The following MME variants were observed in gnomAD, a reference collection of about 807,000 sequenced individuals.
MME encodes the protein neprilysin.
In MME, 98 loss-of-function variants were observed where a neutral mutation model predicts 113.2. The ratio of observed to expected loss-of-function variants is 0.87; its 90% confidence interval spans 0.74 to 1.02. The LOEUF is 1.02. MME is among the 50% of genes least tolerant of loss of function. MME has a pLI of 0.00. For synonymous variants in MME, 292 were observed against 300.6 expected, an observed-to-expected ratio of 0.97 and a Z score of 0.30; for missense variants, 836 against 896.0, an observed-to-expected ratio of 0.93 and a Z score of 0.86.
chr3:155,090,402 T>C (rs1716185186), intron 3 of MME: 1 of 152,212 alleles, frequency 6.6e-6, no homozygotes, highest in South Asian at 2.1e-4. Context: ...CTGAACCCTA[T>C]ATATGCTATA....
intron 8 of MME, among the ~76,000 whole-genome samples, chr3:155,124,375 T>C (rs1719413756): frequency 6.6e-6 from 1 of 152,008 alleles, no homozygotes; most frequent in African/African-American, 2.4e-5. Context: ...TGTCCTCCTG[T>C]AGCTCAGAGT....
chr3:155,072,405 G>A (rs1349888545), intron 1 of MME, among the ~76,000 whole-genome samples: 1 of 152,178 alleles, frequency 6.6e-6, no homozygotes, highest in Non-Finnish European at 1.5e-5. Context: ...CCACTAAACT[G>A]TGGATTCCCT....
chr3:155,132,191 T>C (rs1254147639), intron 8 of MME, among the ~76,000 whole-genome samples: 1 of 152,214 alleles, frequency 6.6e-6, no homozygotes, highest in South Asian at 2.1e-4. Flanking sequence ...TGGGTCTTGA[T>C]TGTCATTCAT....
chr3:155,166,834 C>T, intron 17 of MME, 68 bp from the exon 18 acceptor site: 1 of 1,599,808 alleles, frequency 6.3e-7, no homozygotes. Flanking sequence ...GGAGGACTGT[C>T]TCTAAGAAAA....
intron 3 of MME, among the ~76,000 whole-genome samples, chr3:155,113,222 G>A (rs1718332800): frequency 6.6e-6 from 1 of 152,138 alleles, no homozygotes; most frequent in African/African-American, 2.4e-5. Context: ...CACCAAAAGA[G>A]GAAAAGGGGA....
chr3:155,176,022 T>C (rs1357221154), intron 22 of MME, among the ~76,000 whole-genome samples: 1 of 152,190 alleles, frequency 6.6e-6, no homozygotes, highest in Non-Finnish European at 1.5e-5. Context: ...CATACACTCA[T>C]CAATATGACT....
chr3:155,042,897 GTT>G (rs1397731943), intron 1 of MME, among the ~76,000 whole-genome samples: 5,248 of 64,954 alleles, frequency 0.081, 343 homozygotes, highest in African/African-American at 0.16. Flanking sequence ...CCAATAGTAG[GTT>G]TTATATATAT....
intron 9 of MME, among the ~76,000 whole-genome samples, chr3:155,138,643 C>A (rs1720822675): frequency 6.6e-6 from 1 of 152,106 alleles, no homozygotes; most frequent in African/African-American, 2.4e-5. Context: ...GTCTCTATTT[C>A]TTTGCTAAGA....
At chr3:155,167,737 T>C (rs549107136) in intron 18 of MME, among the ~76,000 whole-genome samples, 3 of 152,268 alleles carry the variant, frequency 2.0e-5, no homozygotes, top group Admixed American at 2.0e-4. Context: ...ACTAAGTGTC[T>C]ATTAACTCAA....
chr3:155,168,518 C>A lies in MME; in HGVS notation c.1807C>A (p.Leu603Ile), dbSNP rs1160952555. ...CAGAAACTTTAACAAAGATGGAGACCTCGTTGACTGGTGGACTCAACAGTC... is the reference window on the plus strand; with the variant it reads ...CAGAAACTTTAACAAAGATGGAGACATCGTTGACTGGTGGACTCAACAGTC... Reference protein sequence around the residue: ...NGRNFNKDGDLVDWWTQQSAS... With the variant: ...NGRNFNKDGDIVDWWTQQSAS... Residue 603 changes from leucine to isoleucine, a missense_variant, in exon 19 of 23, where the codon CTC (leucine) becomes ATC (isoleucine). By Grantham distance (5) the Leu-to-Ile change is conservative. Coordinates refer to ENST00000360490, the MANE Select transcript of MME (RefSeq NM_007289.4). The A allele has an allele frequency of 7.4e-6, 12 of 1,612,988 alleles. No individual in the cohort carries two copies. Among genetic ancestry groups the A allele is most frequent in the Non-Finnish European group, 1.0e-5 (12 of 1,179,334 alleles).
chr3:155,126,790 G>A (rs987545669), intron 8 of MME, among the ~76,000 whole-genome samples: 4 of 151,730 alleles, frequency 2.6e-5, no homozygotes, highest in South Asian at 2.1e-4. Context: ...ACCTGAGGTC[G>A]GGAGATCGAG....
intron 20 of MME, among the ~76,000 whole-genome samples, chr3:155,170,241 C>T (rs891028873): frequency 4.6e-5 from 7 of 152,074 alleles, no homozygotes; most frequent in Non-Finnish European, 7.4e-5. Context: ...GATGGGATTT[C>T]GCCATGTTGG....
chr3:155,052,919 A>G (rs1163906592), intron 1 of MME, among the ~76,000 whole-genome samples: 1 of 152,194 alleles, frequency 6.6e-6, no homozygotes. Context: ...TTCTTCTGCC[A>G]GATACTCTAA....
At chr3:155,172,285 C>T in intron 21 of MME, 73 bp downstream of exon 21, 4 of 1,032,088 alleles carry the variant, frequency 3.9e-6, no homozygotes, top group Non-Finnish European at 6.1e-6. Flanking sequence ...TTAGATGTCA[C>T]ATGCTGAGTT....
intron 1 of MME, among the ~76,000 whole-genome samples, chr3:155,026,311 C>G (rs1393648143): frequency 6.6e-6 from 1 of 152,172 alleles, no homozygotes; most frequent in Non-Finnish European, 1.5e-5. Flanking sequence ...AAAATGAACT[C>G]TGGAGCCAAG....
chr3:155,025,673 T>TTTTC (rs1210847631), intron 1 of MME, among the ~76,000 whole-genome samples: 25 of 148,792 alleles, frequency 1.7e-4, no homozygotes, highest in East Asian at 4.0e-4. Context: ...GTATCAGATT[T>TTTTC]TTTCTTTCTT....
intron 3 of MME, among the ~76,000 whole-genome samples, chr3:155,113,099 A>G (rs1284012226): frequency 6.6e-6 from 1 of 152,156 alleles, no homozygotes; most frequent in East Asian, 1.9e-4. Context: ...GACAGGGGCA[A>G]TCAAAGCTGT....
At chr3:155,147,040 A>T in intron 14 of MME, 104 bp from the exon 15 acceptor site, 1 of 759,044 alleles carries the variant, frequency 1.3e-6, no homozygotes, top group Non-Finnish European at 2.4e-6. Flanking sequence ...TCATTTTATG[A>T]ACAGTATGGA....
At position 155,181,000 on chromosome 3, in the gene MME, G is replaced by A. The variant is rs1279489664; in HGVS notation, c.*541G>A. ...CTTACATAGTTTTAAACTCATTTTT[G>A]CCATACATCAGTTATTCATTCTGTG... On this transcript the variant is annotated 3_prime_UTR_variant, in exon 23 of 23. Transcript: ENST00000360490. 1.9e-5 allele frequency: 3 copies of A among 155,902 alleles called. No homozygotes were observed. Among genetic ancestry groups the A allele is most frequent in the Non-Finnish European group, 4.3e-5 (3 of 69,994 alleles). 9.7% of individuals were successfully genotyped at this position (155,902 alleles called of 1,614,324 possible).
Sources: allele counts gnomAD v4.1 joint callset (sites outside exome capture counted in the v4.1 genomes callset), GRCh38; gene constraint gnomAD v4.1.1; transcripts MANE v1.5; gene names NCBI Gene and HGNC (gene_info 2026-07-23, HGNC 2026-07-21).